Variants in USH1C observed in about 807,000 individuals in gnomAD.
The protein encoded by USH1C is harmonin.
USH1C carries 90 observed loss-of-function variants against 119.3 expected under a neutral mutation model. The ratio of observed to expected loss-of-function variants is 0.75; its 90% confidence interval spans 0.64 to 0.90. USH1C has a LOEUF of 0.90. USH1C is among the 40% of genes least tolerant of loss of function. The pLI, the probability that USH1C is intolerant of heterozygous loss-of-function variation, is 0.00. For synonymous variants in USH1C, 465 were observed against 443.3 expected, an observed-to-expected ratio of 1.05 and a Z score of -0.62; for missense variants, 1,165 against 1,167.7, an observed-to-expected ratio of 1.00 and a Z score of 0.03.
intron 15 of USH1C, among the ~76,000 whole-genome samples, chr11:17,513,195 G>A (rs1443389113): frequency 1.3e-5 from 2 of 152,124 alleles, no homozygotes; most frequent in Admixed American, 1.3e-4. Flanking sequence ...GGGGGCAAGG[G>A]AAACACGGCA....
At chr11:17,535,643 T>G (rs1284389491) in intron 1 of USH1C, among the ~76,000 whole-genome samples, 3 of 152,172 alleles carry the variant, frequency 2.0e-5, no homozygotes, top group Non-Finnish European at 2.9e-5. Context: ...GCCTGCCTCC[T>G]GGTATGCCCA....
chr11:17,533,123 A>T, intron 2 of USH1C, 132 bp downstream of exon 2: 1 of 772,364 alleles, frequency 1.3e-6, no homozygotes, highest in Non-Finnish European at 2.4e-6. Flanking sequence ...AGTGAATGGT[A>T]TGTCCATTTG....
At chr11:17,507,028 G>A (rs542822297) in intron 18 of USH1C, among the ~76,000 whole-genome samples, 2 of 152,340 alleles carry the variant, frequency 1.3e-5, no homozygotes, top group South Asian at 4.1e-4. Flanking sequence ...ATCTGGCCCT[G>A]AAAACCCCCC....
chr11:17,530,960 A>G (rs1437683739), intron 4 of USH1C, among the ~76,000 whole-genome samples, 194 bp downstream of exon 4: 5 of 152,246 alleles, frequency 3.3e-5, no homozygotes, highest in Non-Finnish European at 7.3e-5. Flanking sequence ...GCTTCACTCA[A>G]GAAAACAGGC....
intron 14 of USH1C, among the ~76,000 whole-genome samples, chr11:17,517,670 A>C (rs1161849742): frequency 6.6e-6 from 1 of 152,208 alleles, no homozygotes; most frequent in African/African-American, 2.4e-5. Context: ...CAGTGTTTTC[A>C]ACCTTGGCAG....
intron 20 of USH1C, among the ~76,000 whole-genome samples, chr11:17,502,966 G>A: frequency 6.6e-6 from 1 of 152,186 alleles, no homozygotes; most frequent in Non-Finnish European, 1.5e-5. Context: ...AGTGACCCAT[G>A]GGGCCCATGG....
chr11:17,528,330 G>A (rs1222779012), intron 4 of USH1C, among the ~76,000 whole-genome samples: 4 of 152,110 alleles, frequency 2.6e-5, no homozygotes, highest in Admixed American at 6.5e-5. Flanking sequence ...GGATACTGCC[G>A]GCTCCTCCAG....
At position 17,509,772 on chromosome 11, in the gene USH1C, C is replaced by T. The variant is rs201104489; in HGVS notation, c.1597G>A (p.Ala533Thr). 70 of 1,592,050 alleles carry T rather than the reference C, an allele frequency of 4.4e-5. No individual in the cohort carries two copies. The Middle Eastern group carries it at 6.6e-4, about 15-fold the overall frequency. ...GTGGTGTGCAGGTGCAGTCCGCCTG[C>T]GAAGCGTCTCAAGGGTGGGGCCAGG... ...SPLAPPLRRFAGGLHLHTTDL... is the reference protein window; with the variant it reads ...SPLAPPLRRFTGGLHLHTTDL... The change falls in exon 18 of 27, where the codon GCA (alanine) becomes ACA (threonine). Residue 533 changes from alanine to threonine, a missense_variant. By Grantham distance (58) the Ala-to-Thr change is moderately conservative (BLOSUM62 0). Coordinates refer to ENST00000005226, the MANE Select transcript of USH1C (RefSeq NM_153676.4).
Position 17,544,269 on chromosome 11 carries a change from G to T in USH1C, c.36+3C>A. ...GAAGCCTGGGGCGCCCTGCAGCTCT[G>T]ACCTTATGCCGGAATTCTCGGGCCA... On this transcript the variant is annotated splice_donor_region_variant and intron_variant, in intron 1 of 26. Coordinates refer to ENST00000005226, the MANE Select transcript of USH1C (RefSeq NM_153676.4). 6.2e-7 allele frequency: 1 copy of T among 1,614,028 alleles called. No homozygotes were observed.
At chr11:17,495,815 G>A in intron 25 of USH1C, 138 bp from the exon 26 acceptor site, 1 of 894,132 alleles carries the variant, frequency 1.1e-6, no homozygotes, top group Non-Finnish European at 1.8e-6. Flanking sequence ...GGAGCTGCGA[G>A]ACCCTGGTTT....
intron 20 of USH1C, among the ~76,000 whole-genome samples, chr11:17,504,438 G>C (rs1247479515): frequency 2.0e-5 from 3 of 152,136 alleles, no homozygotes; most frequent in Non-Finnish European, 4.4e-5. Context: ...TCATGCATGG[G>C]GTCTAATAAG....
chr11:17,505,899 G>A lies in USH1C; in HGVS notation c.2064C>T (p.Ile688=), dbSNP rs1041660495. 5.6e-6 allele frequency: 9 copies of A among 1,614,108 alleles called. No homozygotes were observed. Among genetic ancestry groups the A allele is most frequent in the African/African-American group, 1.3e-5 (1 of 74,946 alleles). Residue 688 remains isoleucine (I), a synonymous_variant, in exon 19 of 27, where the codon ATC becomes ATT. Coordinates refer to ENST00000005226, the MANE Select transcript of USH1C (RefSeq NM_153676.4). ...CCTGGTGGACCATGACAGGTTTGGA[G>A]ATGGTGGACACGCCAGGGCCTCGTG... The part of the protein sequence containing the change: ...QPPRGPGVST[I]SKPVMVHQEP...
In USH1C at chr11:17,494,393, A is replaced by G; in HGVS notation, c.2656-17T>C. 1 of 1,590,372 alleles carries G rather than the reference A, an allele frequency of 6.3e-7. No homozygotes were observed. The highest frequency in any genetic ancestry group is 8.6e-7 in the Non-Finnish European group (1 of 1,167,606). ...AAGAAGGTCCTGCAGGGAAGTGGAA[A>G]CAGCCCAGGTGGATACAGGCTTTGT... On this transcript the variant is annotated splice_polypyrimidine_tract_variant and intron_variant, in intron 26 of 26. Coordinates refer to ENST00000005226, the MANE Select transcript of USH1C (RefSeq NM_153676.4).
chr11:17,528,816 C>T (rs1473681424), intron 4 of USH1C, among the ~76,000 whole-genome samples: 1 of 152,240 alleles, frequency 6.6e-6, no homozygotes, highest in Non-Finnish European at 1.5e-5. Flanking sequence ...TGGGGGCCCA[C>T]TAAAGAACTC....
In USH1C at chr11:17,516,158, G is replaced by C. The variant is rs2237961; in HGVS notation, c.1260+83C>G. The stretch of plus-strand genomic sequence containing the variant: ...AGGCCAAGTCACACCATTTAGTGTT[G>C]ATAGGACAAGGAATGTTTGGGAAAA... On this transcript the variant is annotated intron_variant, in intron 15 of 26. Coordinates refer to ENST00000005226, the MANE Select transcript of USH1C (RefSeq NM_153676.4). 0.13 allele frequency: 187,684 copies of C among 1,466,556 alleles called. 13,722 individuals are homozygous for C. Among genetic ancestry groups the C allele is most frequent in the African/African-American group, 0.29 (20,569 of 71,936 alleles). The allele number at this position is 1,466,556 out of a possible 1,614,324, so 90.8% of individuals were successfully genotyped here. A position where few individuals can be genotyped will look rare whatever the true frequency, so the allele number is the denominator to read the frequency against.
chr11:17,496,458 A>G (rs996385283), intron 25 of USH1C, among the ~76,000 whole-genome samples: 1 of 152,188 alleles, frequency 6.6e-6, no homozygotes. Flanking sequence ...CTGAGTGGGG[A>G]ATTAACAATC....
rs1391611701 is a variant in USH1C, at chr11:17,517,390, G to A, written c.1211-1100C>T. 7 of 1,573,362 alleles carry A rather than the reference G, an allele frequency of 4.4e-6. No homozygotes were observed. The highest frequency in any genetic ancestry group is 2.3e-5 in the East Asian group (1 of 42,744). ...AGCAGCCAGGCCAGGGAGCAAAGCG[G>A]GGACGCGAACCTGCTCTCCCTGCTC... On this transcript the variant is annotated intron_variant, in intron 14 of 26. Transcript: ENST00000005226.
intron 1 of USH1C, 100 bp from the exon 2 acceptor site, chr11:17,533,422 C>T (rs1437583579): frequency 1.2e-6 from 1 of 854,832 alleles, no homozygotes; most frequent in Non-Finnish European, 2.0e-6. Context: ...TCCCCAGCAG[C>T]TTTTCAGGGC....
chr11:17,523,832 C>T (rs188081466), intron 9 of USH1C, among the ~76,000 whole-genome samples: 2 of 152,360 alleles, frequency 1.3e-5, no homozygotes, highest in East Asian at 3.9e-4. Flanking sequence ...ATCGTCATAA[C>T]AGAATAGCTA....
Sources: gnomAD v4.1 joint callset for allele counts (sites outside exome capture counted in the v4.1 genomes callset) on GRCh38, gnomAD v4.1.1 for gene constraint, MANE v1.5 for transcripts, NCBI Gene and HGNC (gene_info 2026-07-23, HGNC 2026-07-21) for gene names.